AP3B1: variants seen among roughly 807,000 people sequenced by gnomAD.
AP3B1 encodes AP-3 complex subunit beta-1.
In AP3B1, 61 loss-of-function variants were observed where a neutral mutation model predicts 132.5. That is an observed-to-expected ratio of 0.46 (90% CI 0.37 to 0.57). The LOEUF is 0.57. AP3B1 is among the 20% of genes least tolerant of loss of function. The pLI, the probability that AP3B1 is intolerant of heterozygous loss-of-function variation, is 0.00. For missense variants in AP3B1, 1,120 were observed against 1,289.4 expected, an observed-to-expected ratio of 0.87 and a Z score of 2.01; for synonymous variants, 388 against 438.3, an observed-to-expected ratio of 0.89 and a Z score of 1.43.
At chr5:78,285,088 A>G (rs1356049466) in intron 1 of AP3B1, among the ~76,000 whole-genome samples, 1 of 152,068 alleles carries the variant, frequency 6.6e-6, no homozygotes, top group Non-Finnish European at 1.5e-5. Context: ...TCTACTAAAA[A>G]TACAAAAAAA....
At chr5:78,208,994 A>T (rs1274225625) in intron 7 of AP3B1, among the ~76,000 whole-genome samples, 4 of 152,140 alleles carry the variant, frequency 2.6e-5, no homozygotes, top group African/African-American at 9.7e-5. Context: ...AGAATGACAA[A>T]TTCTCCATTT....
At chr5:78,290,948 C>T (rs1233492797) in intron 1 of AP3B1, among the ~76,000 whole-genome samples, 2 of 151,510 alleles carry the variant, frequency 1.3e-5, no homozygotes, top group African/African-American at 4.9e-5. Context: ...AGACATGTCT[C>T]AAAAAATAAA....
At chr5:78,168,226 C>CTT (rs111663014) in intron 11 of AP3B1, among the ~76,000 whole-genome samples, 181 of 128,046 alleles carry the variant, frequency 1.4e-3, no homozygotes, top group African/African-American at 5.6e-3. Context: ...TTTCTTTTTT[C>CTT]TTTTTTTTTT....
intron 8 of AP3B1, among the ~76,000 whole-genome samples, chr5:78,178,078 A>G (rs1239581142): frequency 6.6e-6 from 1 of 152,180 alleles, no homozygotes; most frequent in African/African-American, 2.4e-5. Context: ...AAAGCTCAAG[A>G]CACTCGAAAT....
At chr5:78,126,561 G>A (rs992347698) in intron 17 of AP3B1, among the ~76,000 whole-genome samples, 4 of 139,030 alleles carry the variant, frequency 2.9e-5, no homozygotes, top group Admixed American at 7.2e-5. Context: ...CTCTTTTGAA[G>A]AGTACTTAAG....
chr5:78,178,565 G>A (rs1320767926), intron 8 of AP3B1, among the ~76,000 whole-genome samples: 2 of 152,164 alleles, frequency 1.3e-5, no homozygotes, highest in Non-Finnish European at 1.5e-5. Context: ...AGGTTGCAGT[G>A]AGCCGAGATC....
chr5:78,029,620 C>T (rs1046782793), intron 24 of AP3B1, among the ~76,000 whole-genome samples: 3 of 152,118 alleles, frequency 2.0e-5, no homozygotes, highest in Non-Finnish European at 4.4e-5. Context: ...GCTTTTTCCT[C>T]TTCCTCTTGG....
intron 22 of AP3B1, among the ~76,000 whole-genome samples, chr5:78,065,296 C>T (rs981340180): frequency 3.3e-5 from 5 of 152,140 alleles, no homozygotes; most frequent in Non-Finnish European, 2.9e-5. Context: ...CCCTGAGACT[C>T]GTGAGTTCAA....
At chr5:78,287,647 T>C (rs1749337037) in intron 1 of AP3B1, among the ~76,000 whole-genome samples, 1 of 151,982 alleles carries the variant, frequency 6.6e-6, no homozygotes, top group African/African-American at 2.4e-5. Flanking sequence ...GATGCTAGTA[T>C]ACAGTTTCTT....
Position 78,181,557 on chromosome 5 carries a change from T to G in AP3B1, c.892A>C (p.Arg298=). Residue 298 remains arginine (R), a synonymous_variant, in exon 8 of 27, where the codon AGA becomes CGA. Coordinates refer to ENST00000255194, the MANE Select transcript of AP3B1 (RefSeq NM_003664.5). ...KKPYTMDPDH[R]LLIRNTKPLL... ...GGCTTTGTATTTCTAATTAAGAGTC[T>G]ATGATCTGGATCCATAGTATACGGC... The G allele has an allele frequency of 1.9e-6, 3 of 1,613,302 alleles. No individual in the cohort carries two copies. The highest frequency in any genetic ancestry group is 2.5e-6 in the Non-Finnish European group (3 of 1,179,562).
At chr5:78,143,302 G>A (rs935894281) in intron 14 of AP3B1, among the ~76,000 whole-genome samples, 1 of 151,856 alleles carries the variant, frequency 6.6e-6, no homozygotes, top group African/African-American at 2.4e-5. Flanking sequence ...AAACACTCAC[G>A]ATACATATAT....
rs566746074 is a variant in AP3B1 at position 78,136,878 on chromosome 5, T to C, written c.1650+4265A>G. ...GCATACATGTTGCAATATAGCAAAATTGACTATATTATAATAATTCCCATT... is the reference window on the plus strand; with the variant it reads ...GCATACATGTTGCAATATAGCAAAACTGACTATATTATAATAATTCCCATT... On this transcript the variant is annotated intron_variant, in intron 15 of 26. Transcript: ENST00000255194. Among the ~76,000 whole-genome samples the C allele has an allele frequency of 3.3e-5, 5 of 152,294 alleles. No individual in the cohort carries two copies. In the East Asian group the frequency reaches 7.7e-4, roughly 23 times the overall value.
chr5:78,222,787 T>A (rs1225551653), intron 6 of AP3B1, among the ~76,000 whole-genome samples: 1 of 152,004 alleles, frequency 6.6e-6, no homozygotes, highest in East Asian at 1.9e-4. Context: ...GTTGAAGCAA[T>A]TTTGATTTAC....
intron 15 of AP3B1, among the ~76,000 whole-genome samples, chr5:78,136,324 A>T (rs1432314017): frequency 2.6e-5 from 4 of 152,170 alleles, no homozygotes; most frequent in Admixed American, 6.5e-5. Flanking sequence ...TTCTGCTCTA[A>T]TGCTTGTTTT....
intron 2 of AP3B1, among the ~76,000 whole-genome samples, chr5:78,251,482 C>T (rs1437241155): frequency 2.6e-5 from 4 of 152,210 alleles, no homozygotes; most frequent in African/African-American, 9.6e-5. Flanking sequence ...AGAGTGGTGA[C>T]TCCTCTTCCA....
At chr5:78,172,162 C>A (rs942187783) in intron 11 of AP3B1, among the ~76,000 whole-genome samples, 1 of 152,118 alleles carries the variant, frequency 6.6e-6, no homozygotes, top group African/African-American at 2.4e-5. Flanking sequence ...TGAGGATTTT[C>A]GCATCTATGT....
At chr5:78,234,920 G>A (rs1580524472) in intron 3 of AP3B1, among the ~76,000 whole-genome samples, 1 of 152,148 alleles carries the variant, frequency 6.6e-6, no homozygotes, top group Admixed American at 6.5e-5. Context: ...AACAGGTTTT[G>A]GAAAGACTGC....
At chr5:78,197,537 T>A (rs1745123424) in intron 7 of AP3B1, among the ~76,000 whole-genome samples, 1 of 152,118 alleles carries the variant, frequency 6.6e-6, no homozygotes. Context: ...GCTCTAAACA[T>A]AAATGTTCAC....
chr5:78,119,948 G>A (rs1269291290), intron 17 of AP3B1, among the ~76,000 whole-genome samples: 6 of 152,250 alleles, frequency 3.9e-5, no homozygotes, highest in South Asian at 2.1e-4. Context: ...GAGAAAGGTC[G>A]GGTTACCTAC....
Sources: gnomAD v4.1 joint callset for allele counts (sites outside exome capture counted in the v4.1 genomes callset) on GRCh38, gnomAD v4.1.1 for gene constraint, MANE v1.5 for transcripts, NCBI Gene and HGNC (gene_info 2026-07-23, HGNC 2026-07-21) for gene names.